MAP3K21: variants seen among roughly 807,000 people sequenced by gnomAD.
MAP3K21 encodes mitogen-activated protein kinase kinase kinase MLK4.
In MAP3K21, 63 loss-of-function variants were observed where a neutral mutation model predicts 86.1. The ratio of observed to expected loss-of-function variants is 0.73; its 90% CI spans 0.60 to 0.90. MAP3K21 has a LOEUF of 0.90. Ranked by LOEUF, MAP3K21 falls within the 40% of genes least tolerant of loss-of-function variation. The probability of loss-of-function intolerance (pLI) is 0.00; values close to 1 mark genes in which losing one functional copy is unlikely to be tolerated. For synonymous variants in MAP3K21, 558 were observed against 564.8 expected, an observed-to-expected ratio of 0.99 and a Z score of 0.17; for missense variants, 1,220 against 1,367.7, an observed-to-expected ratio of 0.89 and a Z score of 1.70.
At position 233,382,468 on chromosome 1, in the gene MAP3K21, G is replaced by T. The variant is rs1188544322; in HGVS notation, c.2868G>T (p.Leu956=). ...RPASLRSRSD[L]PQAYPQTAVS... ...CCTCCCTGAGAAGCCGCTCAGATCT[G>T]CCTCAGGCTTACCCACAGACAGCAG... is the stretch of plus-strand genomic sequence containing the variant. The change falls in exon 10 of 10, where the codon CTG becomes CTT. Residue 956 remains leucine, a synonymous_variant. Transcript: ENST00000366624. The T allele has an allele frequency of 6.2e-7, 1 of 1,614,134 alleles. No homozygotes were observed.
intron 1 of MAP3K21, among the ~76,000 whole-genome samples, chr1:233,341,199 G>C (rs2102761349): frequency 6.6e-6 from 1 of 152,284 alleles, no homozygotes; most frequent in African/African-American, 2.4e-5. Flanking sequence ...AGTTTGCCTG[G>C]TTTGTACATT....
intron 5 of MAP3K21, among the ~76,000 whole-genome samples, chr1:233,362,736 C>T (rs1039898023): frequency 2.6e-5 from 4 of 152,074 alleles, no homozygotes; most frequent in Middle Eastern, 3.4e-3. Flanking sequence ...ATATTGTTGT[C>T]AGCACTTTCA....
chr1:233,340,146 C>T (rs898627290), intron 1 of MAP3K21, among the ~76,000 whole-genome samples: 3 of 152,156 alleles, frequency 2.0e-5, no homozygotes, highest in Non-Finnish European at 4.4e-5. Flanking sequence ...AGAGAAGTAG[C>T]TGAGGTTAGG....
At chr1:233,377,960 A>G (rs115192918) in intron 8 of MAP3K21, among the ~76,000 whole-genome samples, 1,983 of 152,220 alleles carry the variant, frequency 0.013, 38 homozygotes, top group African/African-American at 0.043. Flanking sequence ...CTTCTGCTGA[A>G]CTGACACAGG....
At chr1:233,340,828 CT>C (rs980166102) in intron 1 of MAP3K21, among the ~76,000 whole-genome samples, 2 of 152,034 alleles carry the variant, frequency 1.3e-5, no homozygotes, top group Non-Finnish European at 2.9e-5. Flanking sequence ...TTGCTTATGA[CT>C]TTTTTTGGAT....
At chr1:233,382,137 C>T (rs936130061) in intron 9 of MAP3K21, among the ~76,000 whole-genome samples, 168 bp from the exon 10 acceptor site, 2 of 152,112 alleles carry the variant, frequency 1.3e-5, no homozygotes, top group African/African-American at 2.4e-5. Flanking sequence ...GCCAAGAGTT[C>T]GAGGCTGCAG....
At chr1:233,338,075 A>G (rs1662950365) in intron 1 of MAP3K21, among the ~76,000 whole-genome samples, 1 of 152,248 alleles carries the variant, frequency 6.6e-6, no homozygotes, top group South Asian at 2.1e-4. Flanking sequence ...CTATTAAAAT[A>G]CTAACATGAT....
intron 4 of MAP3K21, among the ~76,000 whole-genome samples, chr1:233,355,257 G>A (rs1383543654): frequency 6.6e-6 from 1 of 151,950 alleles, no homozygotes; most frequent in Non-Finnish European, 1.5e-5. Flanking sequence ...AGAGCAAATA[G>A]CATAATGGAC....
intron 1 of MAP3K21, among the ~76,000 whole-genome samples, chr1:233,343,249 G>T (rs1348424074): frequency 6.6e-6 from 1 of 152,182 alleles, no homozygotes; most frequent in African/African-American, 2.4e-5. Flanking sequence ...AATTGATTTT[G>T]AAGGCTTGCT....
intron 2 of MAP3K21, among the ~76,000 whole-genome samples, chr1:233,352,953 T>C (rs1187038494): frequency 6.6e-6 from 1 of 152,228 alleles, no homozygotes; most frequent in Non-Finnish European, 1.5e-5. Context: ...CCTATGTCCC[T>C]GTGTACTAAA....
intron 5 of MAP3K21, among the ~76,000 whole-genome samples, chr1:233,366,549 G>A (rs575410674): frequency 3.4e-4 from 51 of 149,670 alleles, no homozygotes; most frequent in South Asian, 4.1e-4. Context: ...AGGGAGAAAC[G>A]TGATAAGTGG....
intron 1 of MAP3K21, among the ~76,000 whole-genome samples, chr1:233,339,983 G>T (rs749456770): frequency 3.3e-5 from 5 of 152,068 alleles, no homozygotes; most frequent in Non-Finnish European, 7.3e-5. Context: ...CTGTTAAAAT[G>T]CCAGTTGCTG....
chr1:233,373,880 A>C (rs1663735296), intron 6 of MAP3K21: 1 of 152,330 alleles, frequency 6.6e-6, no homozygotes, highest in Non-Finnish European at 1.5e-5. Context: ...ATGTGGAAAC[A>C]AAAGAGAAAC....
chr1:233,349,710 G>A (rs1663212782), intron 2 of MAP3K21, among the ~76,000 whole-genome samples: 1 of 152,258 alleles, frequency 6.6e-6, no homozygotes, highest in Admixed American at 6.5e-5. Flanking sequence ...AGGCCGAGGT[G>A]GGCAGATCAC....
chr1:233,367,884 T>G (rs1663609455), intron 5 of MAP3K21, among the ~76,000 whole-genome samples: 1 of 152,092 alleles, frequency 6.6e-6, no homozygotes, highest in South Asian at 2.1e-4. Context: ...AAGAATGTTT[T>G]CTTTCTGTTT....
In MAP3K21 at chr1:233,328,801, C is replaced by A; in HGVS notation, c.773C>A (p.Pro258His). ...MLYLHEEAFV[P>H]ILHRDLKSSN... ...TACCTGCATGAGGAGGCCTTCGTGC[C>A]CATCCTGCACCGGGACCTCAAGTCC... The change falls in exon 1 of 10, where the codon CCC becomes CAC. Residue 258 changes from proline to histidine, a missense_variant. By Grantham distance (77) the Pro-to-His change is moderately conservative. Transcript: ENST00000366624. This position sits in a 1 kb window ranked among gnomAD's most constrained non-coding sequence, Gnocchi z 8.7. The A allele has an allele frequency of 6.5e-7, 1 of 1,540,570 alleles. No homozygotes were observed. Among genetic ancestry groups the A allele is most frequent in the East Asian group, 2.6e-5 (1 of 37,862 alleles).
chr1:233,353,774 G>C (rs1663294884), intron 2 of MAP3K21, 33 bp from the exon 3 acceptor site: 1 of 1,521,746 alleles, frequency 6.6e-7, no homozygotes, highest in Non-Finnish European at 8.8e-7. Context: ...ACACTGTTTA[G>C]CCCATTGAGC....
intron 1 of MAP3K21, among the ~76,000 whole-genome samples, chr1:233,342,899 A>G (rs912274194): frequency 6.6e-6 from 1 of 152,152 alleles, no homozygotes; most frequent in Non-Finnish European, 1.5e-5. Flanking sequence ...CCATGGACAT[A>G]TAGCCATCCT....
chr1:233,368,549 G>T (rs1663622937), intron 5 of MAP3K21, among the ~76,000 whole-genome samples: 1 of 151,966 alleles, frequency 6.6e-6, no homozygotes, highest in African/African-American at 2.4e-5. Context: ...CAGCTACTCA[G>T]AAGGCTGAGA....
Sources: allele counts gnomAD v4.1 joint callset (sites outside exome capture counted in the v4.1 genomes callset), GRCh38; gene constraint gnomAD v4.1.1; non-coding constraint Gnocchi (gnomAD v3.1); transcripts MANE v1.5; gene names NCBI Gene and HGNC (gene_info 2026-07-23, HGNC 2026-07-21).